The following HLCS variants were observed in gnomAD, a reference collection of about 807,000 sequenced individuals.
The protein encoded by HLCS is biotin--protein ligase.
HLCS carries 53 observed loss-of-function variants against 75.0 expected under a neutral mutation model. The observed-to-expected ratio is 0.71, with a 90% CI of 0.57 to 0.89. HLCS has a LOEUF of 0.89. Among genes scored for constraint, HLCS ranks in the 40% least tolerant of loss-of-function variants. The pLI is 0.00. For synonymous variants in HLCS, 431 were observed against 428.6 expected (o/e 1.01, Z -0.07); for missense variants, 966 against 1,074.0 (o/e 0.90, Z 1.41).
At position 36,979,719 on chromosome 21, in the gene HLCS, G is replaced by A. The variant is rs545352656; in HGVS notation, c.-393+10439C>T. Among the ~76,000 whole-genome samples the A allele has an allele frequency of 5.3e-5, 8 of 152,088 alleles. No homozygotes were observed. The South Asian group carries it at 6.2e-4, about 12-fold the overall frequency. ...CACTTCAGGCCAGGAGTTTGAGACC[G>A]GTCTTTGCAACATAGGGAGACTCCA... is the stretch of plus-strand genomic sequence containing the variant. On this transcript the variant is annotated intron_variant, in intron 1 of 11. Coordinates refer to the HLCS transcript ENST00000336648.
intron 6 of HLCS, among the ~76,000 whole-genome samples, chr21:36,816,686 A>G (rs1030102981): frequency 3.3e-5 from 5 of 152,182 alleles, no homozygotes; most frequent in African/African-American, 9.7e-5. Flanking sequence ...AAGCCAATGC[A>G]GCCAATGAAA....
In HLCS at chr21:36,888,487, TATA is replaced by T. The variant is rs1569150106; in HGVS notation, c.1892+8370_1892+8372del. On this transcript the variant is annotated intron_variant, in intron 6 of 10. Transcript: ENST00000674895. ...ATATATATATATATATATATATATA[TATA>T]TATATATTTATTTATTTATTTTATG... Among the ~76,000 whole-genome samples, 242 of 122,572 alleles carry T rather than the reference TATA, an allele frequency of 2.0e-3. 3 individuals are homozygous for T. Among genetic ancestry groups the T allele is most frequent in the Non-Finnish European group, 3.6e-3 (211 of 58,934 alleles). The allele number at this position is 122,572 out of a possible 152,430, so 80.4% of individuals were successfully genotyped here. A position where few individuals can be genotyped will look rare whatever the true frequency, so the allele number is the denominator to read the frequency against.
intron 4 of HLCS, among the ~76,000 whole-genome samples, chr21:36,931,058 C>A (rs1318514988): frequency 6.6e-6 from 1 of 152,036 alleles, no homozygotes. Flanking sequence ...CCAAGGCGGG[C>A]AGATCACCTG....
At chr21:36,975,415 G>C (rs886123700) in intron 1 of HLCS, among the ~76,000 whole-genome samples, 16 of 152,006 alleles carry the variant, frequency 1.1e-4, no homozygotes, top group African/African-American at 3.9e-4. Context: ...CCCGGTGCCC[G>C]TCCCCTGTTT....
At chr21:36,873,922 ACAT>A (rs1180683836) in intron 6 of HLCS, among the ~76,000 whole-genome samples, 4 of 152,346 alleles carry the variant, frequency 2.6e-5, no homozygotes, top group African/African-American at 9.6e-5. Context: ...ATGAAGTCTA[ACAT>A]CATTTTTCTT....
intron 2 of HLCS, among the ~76,000 whole-genome samples, chr21:36,946,671 G>A (rs2067412833): frequency 6.6e-6 from 1 of 151,970 alleles, no homozygotes; most frequent in South Asian, 2.1e-4. Context: ...GAGGGGAAAA[G>A]AATAAACGCA....
chr21:36,857,333 G>A (rs1471636897), intron 6 of HLCS, among the ~76,000 whole-genome samples: 2 of 152,088 alleles, frequency 1.3e-5, no homozygotes, highest in African/African-American at 2.4e-5. Flanking sequence ...CTGTTTGTTC[G>A]ATCCGATTCC....
rs2089418914 is a variant in HLCS, at chr21:36,752,808, A to G, written c.*1438T>C. 6.6e-6 allele frequency: 1 copy of G among 152,246 alleles called. No individual in the cohort carries two copies. Among genetic ancestry groups the G allele is most frequent in the Non-Finnish European group, 1.5e-5 (1 of 68,036 alleles). The allele number at this position is 152,246 out of a possible 1,614,324, so 9.4% of individuals were successfully genotyped here. ...TAAAGGTAGACAGACTATACTAAAA[A>G]CCACAAGTTTCTGGAATTAGCCTGA... is the stretch of plus-strand genomic sequence containing the variant. On this transcript the variant is annotated 3_prime_UTR_variant, in exon 11 of 11. Transcript: ENST00000674895.
intron 6 of HLCS, among the ~76,000 whole-genome samples, chr21:36,770,732 C>A (rs1190888832): frequency 6.6e-6 from 1 of 151,888 alleles, no homozygotes; most frequent in Non-Finnish European, 1.5e-5. Context: ...TACCACCACA[C>A]CTGGCTAATT....
rs891399441 is a variant in HLCS, at chr21:36,896,447, G to A, written c.1892+413C>T. Reference sequence around the variant, plus strand: ...ACCTTTTTCAATTTACACAGCTTAGGTGTCATTCAAACTTCCTATTCAAAT... The same window carrying A: ...ACCTTTTTCAATTTACACAGCTTAGATGTCATTCAAACTTCCTATTCAAAT... On this transcript the variant is annotated intron_variant, in intron 6 of 10. Transcript: ENST00000674895. 7.1e-5 allele frequency: 19 copies of A among 267,146 alleles called. 1 individual carries two copies. The Admixed American group carries it at 9.1e-4, about 13-fold the overall frequency. 16.5% of individuals were successfully genotyped at this position (267,146 alleles called of 1,614,324 possible).
intron 6 of HLCS, among the ~76,000 whole-genome samples, chr21:36,784,462 T>C (rs576412556): frequency 1.3e-4 from 20 of 152,120 alleles, no homozygotes; most frequent in African/African-American, 4.6e-4. Flanking sequence ...ACTACAGGCA[T>C]GTGCCACCAT....
chr21:36,874,799 C>T (rs1021543598), intron 6 of HLCS, among the ~76,000 whole-genome samples: 1 of 152,104 alleles, frequency 6.6e-6, no homozygotes, highest in African/African-American at 2.4e-5. Flanking sequence ...TGGGCAGGAG[C>T]CCCATGCTCC....
chr21:36,793,881 C>T (rs575998850), intron 6 of HLCS, among the ~76,000 whole-genome samples: 2 of 152,284 alleles, frequency 1.3e-5, no homozygotes, highest in East Asian at 1.9e-4. Context: ...CCTCTCCCAT[C>T]GAAAGCATCT....
At chr21:36,955,915 C>T (rs879017027) in intron 2 of HLCS, among the ~76,000 whole-genome samples, 3 of 152,170 alleles carry the variant, frequency 2.0e-5, no homozygotes, top group Admixed American at 1.3e-4. Context: ...CACTGTGTTA[C>T]AGCTGCCTAC....
At chr21:36,810,720 T>C (rs750455717) in intron 6 of HLCS, among the ~76,000 whole-genome samples, 4 of 152,222 alleles carry the variant, frequency 2.6e-5, no homozygotes, top group Admixed American at 6.5e-5. Context: ...GACCTTTGTA[T>C]CTAAATACCA....
chr21:36,797,172 C>T (rs910033657), intron 6 of HLCS, among the ~76,000 whole-genome samples: 10 of 152,208 alleles, frequency 6.6e-5, no homozygotes, highest in Admixed American at 2.6e-4. Flanking sequence ...CAGCCTATCA[C>T]GATCTCTCTT....
intron 1 of HLCS, among the ~76,000 whole-genome samples, chr21:36,977,576 T>C (rs1378293579): frequency 2.0e-5 from 3 of 152,186 alleles, no homozygotes; most frequent in Non-Finnish European, 4.4e-5. Flanking sequence ...TACAACCACA[T>C]GAAAAAGGCA....
rs2089477192 is a variant in HLCS at position 36,754,377 on chromosome 21, C to T, written c.2491G>A (p.Val831Met). ...VHLGSAEGPK[V>M]SIVGLDDSGF... is the part of the protein sequence containing the mutation. ...GAATCGTCCAGGCCAACGATGGACA[C>T]CTTTGGTCCCTCTGCGCTGCCCAGA... The change falls in exon 11 of 11, where the codon GTG becomes ATG. Residue 831 changes from valine to methionine, a missense_variant. Coordinates refer to ENST00000674895, the MANE Select transcript of HLCS (RefSeq NM_001352514.2). 1 of 1,613,708 alleles carries T rather than the reference C, an allele frequency of 6.2e-7. No individual in the cohort carries two copies. Among genetic ancestry groups the T allele is most frequent in the African/African-American group, 1.3e-5 (1 of 74,912 alleles).
chr21:36,809,378 A>T (rs1023202724), intron 6 of HLCS, among the ~76,000 whole-genome samples: 1 of 152,180 alleles, frequency 6.6e-6, no homozygotes, highest in Non-Finnish European at 1.5e-5. Context: ...TTGCTCTTCA[A>T]CTTTGGTTTT....
Sources: gnomAD v4.1 joint callset for allele counts (sites outside exome capture counted in the v4.1 genomes callset) on GRCh38, gnomAD v4.1.1 for gene constraint, MANE v1.5 for transcripts, NCBI Gene and HGNC (gene_info 2026-07-23, HGNC 2026-07-21) for gene names.